Variants in ABCC5 observed in about 807,000 individuals in gnomAD.
The protein encoded by ABCC5 is ATP-binding cassette sub-family C member 5.
A neutral mutation model predicts 160.9 loss-of-function variants in ABCC5; 61 were observed. That is an observed-to-expected ratio of 0.38 (90% CI 0.31 to 0.47). ABCC5 has a LOEUF of 0.47. Among genes scored for constraint, ABCC5 ranks in the 20% least tolerant of loss-of-function variants. The pLI, the probability that ABCC5 is intolerant of heterozygous loss-of-function variation, is 0.99. For synonymous variants in ABCC5, 666 were observed against 700.6 expected (o/e 0.95, Z 0.78); for missense variants, 1,308 against 1,813.3 (o/e 0.72, Z 5.06).
chr3:183,982,351 A>T lies in ABCC5; in HGVS notation c.999+100T>A. ...TGAACCTGCTTTGAGGAAATTTCCA[A>T]TCAGAGCTGTGAGACCTCAGCAATG... On this transcript the variant is annotated intron_variant, in intron 7 of 29. Coordinates refer to ENST00000334444, the MANE Select transcript of ABCC5 (RefSeq NM_005688.4). The surrounding 1 kb of genome is among the most constrained non-coding windows in gnomAD (Gnocchi z 5.2). The T allele has an allele frequency of 1.5e-6, 2 of 1,334,794 alleles. No individual in the cohort carries two copies. The highest frequency in any genetic ancestry group is 3.0e-5 in the South Asian group (2 of 67,088). The allele number at this position is 1,334,794 out of a possible 1,614,324, so 82.7% of individuals were successfully genotyped here.
chr3:183,937,492 C>A (rs1274625053), intron 26 of ABCC5, among the ~76,000 whole-genome samples: 1 of 152,202 alleles, frequency 6.6e-6, no homozygotes, highest in African/African-American at 2.4e-5. Context: ...CCACCATTTG[C>A]TGAATGCTTA....
At chr3:183,941,349 G>A (rs1362336174) in intron 25 of ABCC5, among the ~76,000 whole-genome samples, 2 of 152,128 alleles carry the variant, frequency 1.3e-5, no homozygotes, top group African/African-American at 4.8e-5. Flanking sequence ...CAGTAAAAAG[G>A]CTTGGGGAGA....
intron 17 of ABCC5, among the ~76,000 whole-genome samples, chr3:183,955,030 G>T (rs913620334): frequency 6.6e-6 from 1 of 152,068 alleles, no homozygotes; most frequent in African/African-American, 2.4e-5. Flanking sequence ...CTTGAGTGGT[G>T]GGGGAGTGGT....
At chr3:183,969,763 T>C (rs1157860411) in intron 11 of ABCC5, among the ~76,000 whole-genome samples, 1 of 151,946 alleles carries the variant, frequency 6.6e-6, no homozygotes, top group East Asian at 1.9e-4. Flanking sequence ...ACACTCATAG[T>C]TTCAAGTGGT....
At chr3:183,923,497 C>A (rs1036966629) in intron 29 of ABCC5, among the ~76,000 whole-genome samples, 1 of 152,076 alleles carries the variant, frequency 6.6e-6, no homozygotes, top group East Asian at 1.9e-4. Context: ...GTGGCACATG[C>A]CTGTACTCCC....
chr3:183,980,799 G>A (rs1214175655), intron 8 of ABCC5, among the ~76,000 whole-genome samples: 1 of 149,622 alleles, frequency 6.7e-6, no homozygotes, highest in Admixed American at 6.8e-5. Flanking sequence ...TGCAACCTCC[G>A]CCTCTTGGGT....
intron 2 of ABCC5, among the ~76,000 whole-genome samples, chr3:184,005,846 A>G (rs1208870608): frequency 6.6e-6 from 1 of 152,174 alleles, no homozygotes; most frequent in Non-Finnish European, 1.5e-5. Flanking sequence ...TTTCATTGAA[A>G]AAGTTTTCAT....
At chr3:183,966,547 T>C (rs1051890023) in intron 12 of ABCC5, among the ~76,000 whole-genome samples, 1 of 152,184 alleles carries the variant, frequency 6.6e-6, no homozygotes, top group African/African-American at 2.4e-5. Flanking sequence ...AAGGAGCACA[T>C]TGCTAGATGG....
intron 2 of ABCC5, among the ~76,000 whole-genome samples, chr3:183,990,296 G>C (rs991587652): frequency 6.6e-6 from 1 of 151,870 alleles, no homozygotes; most frequent in Non-Finnish European, 1.5e-5. Flanking sequence ...TAGTAGACAC[G>C]GGGTTTCACC....
rs756435264 is a variant in ABCC5 at position 183,982,948 on chromosome 3, G to A, written c.651C>T (p.Tyr217=). The change falls in exon 6 of 30, where the codon TAC becomes TAT. Residue 217 remains tyrosine (Y), a synonymous_variant. Coordinates refer to ENST00000334444, the MANE Select transcript of ABCC5 (RefSeq NM_005688.4). The surrounding 1 kb of genome is among the most constrained non-coding windows in gnomAD (Gnocchi z 5.2). ...GGAGGCCCAGCACTAACAACAAGCT[G>A]TACTGCAGGTTAGACTCTGTTGCCT... ...YTQATESNLQ[Y]SLLLVLGLLL... 3 of 1,614,228 alleles carry A rather than the reference G, an allele frequency of 1.9e-6. No homozygotes were observed. Among genetic ancestry groups the A allele is most frequent in the East Asian group, 2.2e-5 (1 of 44,882 alleles).
intron 2 of ABCC5, among the ~76,000 whole-genome samples, chr3:184,007,339 A>T (rs1047043228): frequency 2.6e-5 from 4 of 151,504 alleles, no homozygotes; most frequent in Admixed American, 6.6e-5. Flanking sequence ...TTATTTTTCC[A>T]TTCTTCCTTC....
rs1272553824 is a variant in ABCC5, at chr3:183,949,588, G to A, written c.3227+165C>T. Reference sequence around the variant, plus strand: ...TCTCACTTGCTCAGAAAGGAGTCCCGCCAAGCAATTGGATTTTAATCAGAG... The same window carrying A: ...TCTCACTTGCTCAGAAAGGAGTCCCACCAAGCAATTGGATTTTAATCAGAG... On this transcript the variant is annotated intron_variant, in intron 22 of 29. Coordinates refer to ENST00000334444, the MANE Select transcript of ABCC5 (RefSeq NM_005688.4). The surrounding 1 kb of genome is among the most constrained non-coding windows in gnomAD (Gnocchi z 4.2). Among the ~76,000 whole-genome samples the A allele has an allele frequency of 6.6e-6, 1 of 152,208 alleles. No individual in the cohort carries two copies. Among genetic ancestry groups the A allele is most frequent in the East Asian group, 1.9e-4 (1 of 5,192 alleles).
chr3:183,980,930 C>T (rs567080149), intron 8 of ABCC5, among the ~76,000 whole-genome samples: 32 of 152,144 alleles, frequency 2.1e-4, no homozygotes, highest in African/African-American at 7.0e-4. Context: ...CCAGGCTGGT[C>T]TTGAACTCCT....
chr3:184,016,460 G>C (rs1351042472), intron 1 of ABCC5, among the ~76,000 whole-genome samples: 4 of 152,198 alleles, frequency 2.6e-5, no homozygotes, highest in Non-Finnish European at 5.9e-5. Flanking sequence ...GTGGAGGCCG[G>C]CGAAGAGCTG....
At chr3:184,006,715 A>G (rs1466185379) in intron 2 of ABCC5, among the ~76,000 whole-genome samples, 24 of 152,192 alleles carry the variant, frequency 1.6e-4, no homozygotes. Flanking sequence ...CATTTCTGGT[A>G]AGAGATTAGA....
At chr3:183,973,921 G>A (rs1368575941) in intron 10 of ABCC5, among the ~76,000 whole-genome samples, 1 of 152,102 alleles carries the variant, frequency 6.6e-6, no homozygotes. Context: ...TAAGAAACAT[G>A]CCAGTACCTA....
At chr3:183,980,344 C>A (rs1393280208) in intron 8 of ABCC5, among the ~76,000 whole-genome samples, 1 of 152,216 alleles carries the variant, frequency 6.6e-6, no homozygotes, top group Non-Finnish European at 1.5e-5. Context: ...TAAGAACACT[C>A]TTTTCAAATT....
rs1413809316 is a variant in ABCC5 at position 183,928,727 on chromosome 3, C to A, written c.3933+20G>T. The stretch of plus-strand genomic sequence containing the variant: ...CACCCTCACCATCTCAGCACGGCTT[C>A]CCCTAAGCTCTTCACTTACACATTC... On this transcript the variant is annotated intron_variant, in intron 27 of 29. Coordinates refer to ENST00000334444, the MANE Select transcript of ABCC5 (RefSeq NM_005688.4). 1 of 1,611,286 alleles carries A rather than the reference C, an allele frequency of 6.2e-7. No homozygotes were observed. Among genetic ancestry groups the A allele is most frequent in the South Asian group, 1.1e-5 (1 of 91,006 alleles).
chr3:183,973,657 C>T (rs1189989797), intron 10 of ABCC5, among the ~76,000 whole-genome samples: 1 of 152,148 alleles, frequency 6.6e-6, no homozygotes, highest in Non-Finnish European at 1.5e-5. Context: ...ATCCTATCTT[C>T]CCCGAAGTGT....
Sources: gnomAD v4.1 joint callset for allele counts (sites outside exome capture counted in the v4.1 genomes callset) on GRCh38, gnomAD v4.1.1 for gene constraint, Gnocchi (gnomAD v3.1) non-coding constraint, MANE v1.5 for transcripts, NCBI Gene and HGNC (gene_info 2026-07-23, HGNC 2026-07-21) for gene names.